The following FAM227A variants were observed in gnomAD, a reference collection of about 807,000 sequenced individuals.
The protein encoded by FAM227A is protein FAM227A.
A neutral mutation model predicts 74.7 loss-of-function variants in FAM227A; 80 were observed. That is an observed-to-expected ratio of 1.07 (90% CI 0.89 to 1.29). The LOEUF is 1.29. Among genes scored for constraint, FAM227A ranks in the 50% most tolerant of loss-of-function variants. FAM227A has a pLI of 0.00. For missense variants in FAM227A, 654 were observed against 683.4 expected, an observed-to-expected ratio of 0.96 and a Z score of 0.48; for synonymous variants, 237 against 241.8, an observed-to-expected ratio of 0.98 and a Z score of 0.19.
intron 2 of FAM227A, 160 bp downstream of exon 2, chr22:38,649,867 C>CAAAA: frequency 1.9e-6 from 1 of 535,988 alleles, no homozygotes; most frequent in Non-Finnish European, 2.9e-6. Flanking sequence ...AACTCCATCT[C>CAAAA]AAAAAAAAAA....
chr22:38,638,203 T>C (rs1283638981), intron 5 of FAM227A, among the ~76,000 whole-genome samples: 2 of 151,686 alleles, frequency 1.3e-5, no homozygotes, highest in Non-Finnish European at 2.9e-5. Flanking sequence ...CCAAGGAGGA[T>C]CTGAAATGGG....
At chr22:38,643,235 G>C (rs2092153928) in intron 3 of FAM227A, among the ~76,000 whole-genome samples, 1 of 151,678 alleles carries the variant, frequency 6.6e-6, no homozygotes, top group Admixed American at 6.6e-5. Context: ...AGAATCACTT[G>C]AACCTGGGAG....
Position 38,591,546 on chromosome 22 carries a change from A to T in FAM227A, c.1533-6T>A. The T allele has an allele frequency of 6.5e-7, 1 of 1,535,118 alleles. No individual in the cohort carries two copies. The highest frequency in any genetic ancestry group is 1.2e-5 in the South Asian group (1 of 81,432). Reference sequence around the variant, plus strand: ...GATCAATATTCTTCATTTCCCTGGGAGGAAAACACAGAGACATATGGAAAA... The same window carrying T: ...GATCAATATTCTTCATTTCCCTGGGTGGAAAACACAGAGACATATGGAAAA... On this transcript the variant is annotated splice_polypyrimidine_tract_variant and splice_region_variant and intron_variant, in intron 15 of 16. Transcript: ENST00000535113.
chr22:38,603,490 A>AG, intron 13 of FAM227A, among the ~76,000 whole-genome samples: 1 of 151,570 alleles, frequency 6.6e-6, no homozygotes, highest in South Asian at 2.1e-4. Context: ...TCCGTCTCAA[A>AG]AAAAAAAAAA....
chr22:38,613,760 G>A (rs1051734895), intron 11 of FAM227A, among the ~76,000 whole-genome samples: 8 of 152,052 alleles, frequency 5.3e-5, no homozygotes, highest in Non-Finnish European at 2.9e-5. Flanking sequence ...TGTTTGCTGA[G>A]TGCTTGCATG....
chr22:38,591,146 G>A (rs2090924703), intron 16 of FAM227A, among the ~76,000 whole-genome samples: 2 of 151,934 alleles, frequency 1.3e-5, no homozygotes, highest in African/African-American at 4.8e-5. Context: ...GCAACATAGT[G>A]ATACCCCCAA....
chr22:38,655,586 A>G (rs2092381748), intron 1 of FAM227A, among the ~76,000 whole-genome samples: 1 of 152,200 alleles, frequency 6.6e-6, no homozygotes, highest in South Asian at 2.1e-4. Context: ...ATCTTGAAAT[A>G]GTAATGTTTT....
At chr22:38,612,431 C>T (rs1482876522) in intron 11 of FAM227A, among the ~76,000 whole-genome samples, 1 of 152,142 alleles carries the variant, frequency 6.6e-6, no homozygotes, top group East Asian at 1.9e-4. Context: ...TTTGCACATG[C>T]TGTCCCTTCT....
intron 11 of FAM227A, among the ~76,000 whole-genome samples, chr22:38,619,260 G>C (rs1377770670): frequency 3.3e-5 from 5 of 152,330 alleles, no homozygotes; most frequent in African/African-American, 1.2e-4. Flanking sequence ...CTAAAGGCCA[G>C]AGGAAGCATT....
chr22:38,645,525 T>C, intron 3 of FAM227A, 38 bp downstream of exon 3: 2 of 1,458,212 alleles, frequency 1.4e-6, no homozygotes, highest in Non-Finnish European at 9.4e-7. Context: ...CCCTTCCCTG[T>C]CAGAAGCTTT....
In FAM227A at chr22:38,580,526, G is replaced by A. The variant is rs1454361115; in HGVS notation, c.*5599C>T. 2 of 152,162 alleles carry A rather than the reference G, an allele frequency of 1.3e-5. No individual in the cohort carries two copies. Among genetic ancestry groups the A allele is most frequent in the Non-Finnish European group, 1.5e-5 (1 of 68,026 alleles). The allele number at this position is 152,162 out of a possible 1,614,324, so 9.4% of individuals were successfully genotyped here. On this transcript the variant is annotated 3_prime_UTR_variant, in exon 17 of 17. Coordinates refer to ENST00000535113, the MANE Select transcript of FAM227A (RefSeq NM_001013647.2). Reference sequence around the variant, plus strand: ...TTAATAGCTGTTTGTCTTTTGTGATGTAAGCAGCCATGGATAATCAACCTA... The same window carrying A: ...TTAATAGCTGTTTGTCTTTTGTGATATAAGCAGCCATGGATAATCAACCTA...
chr22:38,597,345 G>A lies in FAM227A; in HGVS notation c.1391C>T (p.Pro464Leu). 6.4e-7 allele frequency: 1 copy of A among 1,551,770 alleles called. No individual in the cohort carries two copies. Among genetic ancestry groups the A allele is most frequent in the Non-Finnish European group, 8.7e-7 (1 of 1,147,006 alleles). Residue 464 changes from proline (P) to leucine (L), a missense_variant, in exon 15 of 17, where the codon CCA becomes CTA. By Grantham distance (98) the Pro-to-Leu change is moderately conservative. Transcript: ENST00000535113. ...EKTTSTPDCTPTYTDVISETL... is the reference protein window; with the variant it reads ...EKTTSTPDCTLTYTDVISETL... ...CTCGCTGATGACATCAGTATACGTT[G>A]GGGTGCAGTCAGTGGCTTCCGCTGT... is the stretch of plus-strand genomic sequence containing the variant.
At chr22:38,634,494 C>T (rs1350025076) in intron 6 of FAM227A, among the ~76,000 whole-genome samples, 2 of 152,160 alleles carry the variant, frequency 1.3e-5, no homozygotes, top group Non-Finnish European at 2.9e-5. Context: ...GTGCTAGGCA[C>T]CTTTACATGC....
At chr22:38,646,118 T>C (rs1313902820) in intron 2 of FAM227A, among the ~76,000 whole-genome samples, 1 of 151,996 alleles carries the variant, frequency 6.6e-6, no homozygotes, top group Non-Finnish European at 1.5e-5. Context: ...ATGAGATACT[T>C]TGCAAATTAT....
chr22:38,591,401 A>G (rs1474697997), intron 16 of FAM227A, 34 bp downstream of exon 16: 1 of 1,544,102 alleles, frequency 6.5e-7, no homozygotes, highest in African/African-American at 1.4e-5. Context: ...TTGTTCGAAC[A>G]ACCCTTAAAC....
chr22:38,626,913 T>TATATACACACGTTATAC (rs34078214), intron 8 of FAM227A, among the ~76,000 whole-genome samples: 2 of 89,828 alleles, frequency 2.2e-5, no homozygotes, highest in African/African-American at 8.4e-5. Flanking sequence ...TATATATATA[T>TATATACACACGTTATAC]ACACGTATAT....
intron 3 of FAM227A, among the ~76,000 whole-genome samples, chr22:38,643,172 C>A (rs368564602): frequency 6.6e-6 from 1 of 151,002 alleles, no homozygotes; most frequent in African/African-American, 2.4e-5. Context: ...AAAAATGAGA[C>A]GGGAGTGGTG....
chr22:38,615,277 C>T (rs193068956), intron 11 of FAM227A, among the ~76,000 whole-genome samples: 12 of 152,332 alleles, frequency 7.9e-5, no homozygotes, highest in Admixed American at 7.8e-4. Context: ...CCTGCCTGGG[C>T]CTCCCAAAGT....
At position 38,599,884 on chromosome 22, in the gene FAM227A, T is replaced by G; in HGVS notation, c.1259A>C (p.Asn420Thr). 6.4e-7 allele frequency: 1 copy of G among 1,551,156 alleles called. No individual in the cohort carries two copies. The highest frequency in any genetic ancestry group is 8.7e-7 in the Non-Finnish European group (1 of 1,146,790). ...GCTCTTCCCATAAATGTTGAAGAGG[T>G]TTGAAGTCAGCTCAGGGCTTTTGCA... is the stretch of plus-strand genomic sequence containing the variant. ...AACKSPELTS[N>T]LFNIYGKSPL... The change falls in exon 14 of 17, where the codon AAC becomes ACC. Residue 420 changes from asparagine to threonine, a missense_variant. Asn to Thr is a moderately conservative substitution (Grantham distance 65). Coordinates refer to ENST00000535113, the MANE Select transcript of FAM227A (RefSeq NM_001013647.2).
Sources: allele counts gnomAD v4.1 joint callset (sites outside exome capture counted in the v4.1 genomes callset), GRCh38; gene constraint gnomAD v4.1.1; transcripts MANE v1.5; gene names NCBI Gene and HGNC (gene_info 2026-07-23, HGNC 2026-07-21).